Variants in STK31 observed in about 807,000 individuals in gnomAD.
STK31 encodes serine/threonine-protein kinase 31.
STK31 carries 89 observed loss-of-function variants against 129.7 expected under a neutral mutation model. That is an observed-to-expected ratio of 0.69 (90% CI 0.58 to 0.82). STK31 has a LOEUF of 0.82. Ranked by LOEUF, STK31 falls within the 40% of genes least tolerant of loss-of-function variation. The probability of loss-of-function intolerance (pLI) is 0.00; values close to 1 mark genes in which losing one functional copy is unlikely to be tolerated. For synonymous variants in STK31, 448 were observed against 395.3 expected (o/e 1.13, Z -1.58); for missense variants, 1,187 against 1,176.4 (o/e 1.01, Z -0.13).
rs767161079 is a variant in STK31 at position 23,832,156 on chromosome 7, C to T, written c.2850C>T (p.Leu950=). 13 of 1,613,544 alleles carry T rather than the reference C, an allele frequency of 8.1e-6. No homozygotes were observed. Among genetic ancestry groups the T allele is most frequent in the South Asian group, 3.3e-5 (3 of 90,960 alleles). ...TGCAGGATGATAAAGTCAAATCCCT[C>T]CTCTGTAGCTTGATATGTTATAGAA... ...QFHLDDKVKS[L]LCSLICYRSS... Residue 950 remains leucine (L), a synonymous_variant, in exon 24 of 24, where the codon CTC becomes CTT. Transcript: ENST00000355870.
intron 11 of STK31, among the ~76,000 whole-genome samples, chr7:23,763,583 C>T (rs1789613693): frequency 6.6e-6 from 1 of 151,562 alleles, no homozygotes; most frequent in Non-Finnish European, 1.5e-5. Flanking sequence ...TTTATTTATG[C>T]TTTTGATTGC....
At chr7:23,757,946 A>C (rs568475829) in intron 10 of STK31, among the ~76,000 whole-genome samples, 1 of 152,180 alleles carries the variant, frequency 6.6e-6, no homozygotes, top group East Asian at 1.9e-4. Flanking sequence ...TAACAAGCAT[A>C]CTGCCTTCAA....
chr7:23,755,547 T>C (rs1789015167), intron 10 of STK31, among the ~76,000 whole-genome samples: 1 of 152,234 alleles, frequency 6.6e-6, no homozygotes, highest in South Asian at 2.1e-4. Flanking sequence ...CATTTGCTTT[T>C]GTTGTTTTTG....
chr7:23,801,263 A>G (rs1285358323), intron 22 of STK31, among the ~76,000 whole-genome samples: 1 of 152,136 alleles, frequency 6.6e-6, no homozygotes, highest in African/African-American at 2.4e-5. Context: ...GGTGTGTGGT[A>G]GTGTTTCATT....
At chr7:23,733,376 A>AC (rs1787537328) in intron 6 of STK31, among the ~76,000 whole-genome samples, 1 of 147,676 alleles carries the variant, frequency 6.8e-6, no homozygotes, top group African/African-American at 2.5e-5. Context: ...ACATAGCAAG[A>AC]CCCCATCTAA....
At chr7:23,764,082 T>G (rs1789657733) in intron 11 of STK31, among the ~76,000 whole-genome samples, 2 of 152,204 alleles carry the variant, frequency 1.3e-5, no homozygotes, top group Admixed American at 6.5e-5. Context: ...CCACATGGCT[T>G]AAGAACCATT....
At chr7:23,780,822 G>C (rs1234815707) in intron 15 of STK31, among the ~76,000 whole-genome samples, 2 of 152,188 alleles carry the variant, frequency 1.3e-5, no homozygotes, top group African/African-American at 4.8e-5. Flanking sequence ...TGAGAGAGGT[G>C]TGCAGGGTTT....
Position 23,730,878 on chromosome 7 carries a change from ATTT to A in STK31, c.483+1645_483+1647del, listed in dbSNP as rs60712892. 9.9e-4 allele frequency among the ~76,000 whole-genome samples: 59 copies of A among 59,536 alleles called. 3 individuals are homozygous for A. The highest frequency in any genetic ancestry group is 2.6e-3 in the African/African-American group (46 of 17,362). 39.1% of individuals were successfully genotyped at this position (59,536 alleles called of 152,430 possible). ...CATTTATATATATATATATATATAT[ATTT>A]TTTTTTTTTTTTTTTGGTTGGGGGT... On this transcript the variant is annotated intron_variant, in intron 6 of 23. Transcript: ENST00000355870.
intron 4 of STK31, among the ~76,000 whole-genome samples, chr7:23,723,855 T>C (rs1171478915): frequency 1.3e-5 from 2 of 152,206 alleles, no homozygotes; most frequent in African/African-American, 4.8e-5. Flanking sequence ...AGTACTGTTA[T>C]ACCTAGGCGA....
At position 23,808,970 on chromosome 7, in the gene STK31, T is replaced by TGTGTGTGTGC. The variant is rs60631283; in HGVS notation, c.2761-6173_2761-6172insTGTGTGTGCG. Among the ~76,000 whole-genome samples, 41 of 139,656 alleles carry TGTGTGTGTGC rather than the reference T, an allele frequency of 2.9e-4. 1 individual carries two copies. Among genetic ancestry groups the TGTGTGTGTGC allele is most frequent in the East Asian group, 8.5e-4 (4 of 4,698 alleles). The allele number at this position is 139,656 out of a possible 152,430, so 91.6% of individuals were successfully genotyped here. A position where few individuals can be genotyped will look rare whatever the true frequency, so the allele number is the denominator to read the frequency against. On this transcript the variant is annotated intron_variant, in intron 22 of 23. Coordinates refer to ENST00000355870, the MANE Select transcript of STK31 (RefSeq NM_031414.5). ...GTGTGTGTGTGTGTGTGTGTGTGTG[T>TGTGTGTGTGC]GCCTGTGTCTGTTGGCATTTCTGGG...
intron 4 of STK31, among the ~76,000 whole-genome samples, chr7:23,724,698 C>A (rs1200280634): frequency 3.3e-5 from 5 of 152,070 alleles, no homozygotes; most frequent in Non-Finnish European, 7.4e-5. Context: ...TGCTACTTAC[C>A]CCTGTCTTCT....
intron 22 of STK31, among the ~76,000 whole-genome samples, chr7:23,809,567 C>A (rs1034622368): frequency 6.6e-6 from 1 of 152,116 alleles, no homozygotes; most frequent in Non-Finnish European, 1.5e-5. Flanking sequence ...TATTGTGGAA[C>A]CTGCTAATAC....
At chr7:23,831,829 T>A (rs557285096) in intron 23 of STK31, among the ~76,000 whole-genome samples, 1 of 152,340 alleles carries the variant, frequency 6.6e-6, no homozygotes, top group African/African-American at 2.4e-5. Context: ...TTTCACTGTG[T>A]TGGCCAGGCT....
intron 22 of STK31, among the ~76,000 whole-genome samples, chr7:23,808,169 A>ATATTT (rs10643943): frequency 4.8e-5 from 7 of 146,384 alleles, no homozygotes; most frequent in South Asian, 4.4e-4. Context: ...ATATATATAT[A>ATATTT]TTTTTTGTAG....
intron 13 of STK31, among the ~76,000 whole-genome samples, chr7:23,770,088 G>A (rs1292952768): frequency 6.6e-6 from 1 of 152,128 alleles, no homozygotes; most frequent in Non-Finnish European, 1.5e-5. Flanking sequence ...ATGACTATAA[G>A]AAGAGACTCC....
intron 8 of STK31, among the ~76,000 whole-genome samples, chr7:23,748,895 CA>C (rs1788515061): frequency 6.6e-6 from 1 of 152,128 alleles, no homozygotes; most frequent in Non-Finnish European, 1.5e-5. Flanking sequence ...TGGGGGTTGG[CA>C]CCCCTAACAC....
At chr7:23,793,725 G>T (rs1448346396) in intron 22 of STK31, among the ~76,000 whole-genome samples, 1 of 152,144 alleles carries the variant, frequency 6.6e-6, no homozygotes, top group Non-Finnish European at 1.5e-5. Flanking sequence ...AAATTAAAAA[G>T]ATCGTACCAA....
chr7:23,799,812 T>C (rs1302790010), intron 22 of STK31, among the ~76,000 whole-genome samples: 1 of 152,114 alleles, frequency 6.6e-6, no homozygotes, highest in African/African-American at 2.4e-5. Flanking sequence ...ACCTACAGAA[T>C]GGGAGAAAAT....
chr7:23,811,033 C>G (rs1793102001), intron 22 of STK31: 1 of 155,262 alleles, frequency 6.4e-6, no homozygotes, highest in Non-Finnish European at 1.4e-5. Context: ...AAATGAAAAA[C>G]TCAAGATGAC....
Sources: allele counts gnomAD v4.1 joint callset (sites outside exome capture counted in the v4.1 genomes callset), GRCh38; gene constraint gnomAD v4.1.1; transcripts MANE v1.5; gene names NCBI Gene and HGNC (gene_info 2026-07-23, HGNC 2026-07-21).